CNTNAP5: variants seen among roughly 807,000 people sequenced by gnomAD.
The protein encoded by CNTNAP5 is contactin-associated protein-like 5.
A neutral mutation model predicts 150.2 loss-of-function variants in CNTNAP5; 72 were observed. That is an observed-to-expected ratio of 0.48 (90% CI 0.40 to 0.58). The LOEUF (loss-of-function observed/expected upper bound fraction) is 0.58, where lower values mean the gene tolerates loss of function less well. Among genes scored for constraint, CNTNAP5 ranks in the 20% least tolerant of loss-of-function variants. The pLI is 0.00. For synonymous variants in CNTNAP5, 672 were observed against 619.8 expected (o/e 1.08, Z -1.25); for missense variants, 1,636 against 1,626.2 (o/e 1.01, Z -0.10).
chr2:124,124,385 C>T (rs1021918966), intron 1 of CNTNAP5, among the ~76,000 whole-genome samples: 1 of 152,142 alleles, frequency 6.6e-6, no homozygotes, highest in African/African-American at 2.4e-5. Flanking sequence ...AAGAAATGAA[C>T]AAAGCCTCCA....
intron 3 of CNTNAP5, among the ~76,000 whole-genome samples, chr2:124,387,083 A>G (rs1690948348): frequency 6.6e-6 from 1 of 152,208 alleles, no homozygotes; most frequent in Admixed American, 6.5e-5. Context: ...CCAATGTCCA[A>G]AACTATGGGA....
intron 2 of CNTNAP5, among the ~76,000 whole-genome samples, chr2:124,222,508 T>C (rs1686347421): frequency 6.6e-6 from 1 of 152,130 alleles, no homozygotes; most frequent in Non-Finnish European, 1.5e-5. Flanking sequence ...TAAGGACTTT[T>C]AGGTATCTGA....
chr2:124,220,838 A>G (rs1188767678), intron 1 of CNTNAP5, among the ~76,000 whole-genome samples: 1 of 152,122 alleles, frequency 6.6e-6, no homozygotes, highest in Non-Finnish European at 1.5e-5. Context: ...TATTGTTACA[A>G]TGACATTAGA....
intron 7 of CNTNAP5, among the ~76,000 whole-genome samples, chr2:124,484,986 G>C (rs1422575265): frequency 6.6e-6 from 1 of 152,184 alleles, no homozygotes; most frequent in Non-Finnish European, 1.5e-5. Flanking sequence ...CGCCTAGTAA[G>C]TAGGGACCGG....
intron 23 of CNTNAP5, among the ~76,000 whole-genome samples, chr2:124,913,106 A>AAATCAT (rs1420106508): frequency 6.6e-6 from 1 of 152,106 alleles, no homozygotes; most frequent in Non-Finnish European, 1.5e-5. Flanking sequence ...ATGCTTCTGT[A>AAATCAT]AATCATAATT....
At chr2:124,116,874 A>G (rs769403522) in intron 1 of CNTNAP5, among the ~76,000 whole-genome samples, 15 of 152,218 alleles carry the variant, frequency 9.9e-5, no homozygotes, top group Admixed American at 2.6e-4. Context: ...ATCCCAATAC[A>G]GCTTACTGCC....
At chr2:124,128,418 C>G (rs1361849432) in intron 1 of CNTNAP5, among the ~76,000 whole-genome samples, 1 of 152,068 alleles carries the variant, frequency 6.6e-6, no homozygotes, top group Non-Finnish European at 1.5e-5. Flanking sequence ...AAGAACAATG[C>G]TGGAGAGGAT....
chr2:124,600,767 GAA>G (rs1491223972), intron 11 of CNTNAP5, among the ~76,000 whole-genome samples: 3,460 of 110,008 alleles, frequency 0.031, 40 homozygotes, highest in African/African-American at 0.045. Flanking sequence ...GAGAGAGAGA[GAA>G]AGAGAGAGAA....
At chr2:124,374,595 G>T (rs966722943) in intron 3 of CNTNAP5, among the ~76,000 whole-genome samples, 1 of 152,264 alleles carries the variant, frequency 6.6e-6, no homozygotes, top group East Asian at 1.9e-4. Flanking sequence ...CTAGGCAAAG[G>T]TTTAAGATGA....
chr2:124,246,326 G>A (rs1397426764), intron 3 of CNTNAP5, among the ~76,000 whole-genome samples: 3 of 152,078 alleles, frequency 2.0e-5, no homozygotes, highest in African/African-American at 7.2e-5. Flanking sequence ...TGAGTGGAAT[G>A]CTCATGAATG....
intron 17 of CNTNAP5, among the ~76,000 whole-genome samples, chr2:124,786,376 AAAG>A (rs1408739777): frequency 2.4e-5 from 2 of 81,738 alleles, no homozygotes; most frequent in Non-Finnish European, 4.9e-5. Context: ...AGAAAGAAAG[AAAG>A]AAAGAAAGAA....
chr2:124,508,549 C>G (rs964989727), intron 8 of CNTNAP5, among the ~76,000 whole-genome samples: 1 of 152,114 alleles, frequency 6.6e-6, no homozygotes, highest in Non-Finnish European at 1.5e-5. Flanking sequence ...GTTAAGCGCA[C>G]GTCAGTCCAT....
chr2:124,370,223 G>C lies in CNTNAP5; in HGVS notation c.382-47220G>C, dbSNP rs1426996970. On this transcript the variant is annotated intron_variant, in intron 3 of 23. Transcript: ENST00000682447. ...AACTAAAGCTACGTACGTGAACACT[G>C]TTTTGCAGAGACCACATCTAGACCC... is the stretch of plus-strand genomic sequence containing the variant. Among the ~76,000 whole-genome samples the C allele has an allele frequency of 2.6e-5, 4 of 152,160 alleles. No homozygotes were observed. In the South Asian group the frequency reaches 8.3e-4, roughly 31 times the overall value.
chr2:124,310,534 C>T (rs1297192324), intron 3 of CNTNAP5, among the ~76,000 whole-genome samples: 1 of 152,120 alleles, frequency 6.6e-6, no homozygotes, highest in East Asian at 1.9e-4. Context: ...TGCCCAAGCC[C>T]TCCCTTAACA....
intron 3 of CNTNAP5, among the ~76,000 whole-genome samples, chr2:124,272,585 G>A (rs1252732864): frequency 1.3e-5 from 2 of 152,164 alleles, no homozygotes; most frequent in African/African-American, 4.8e-5. Flanking sequence ...CTTTGTCATT[G>A]CACAGAAGAG....
intron 6 of CNTNAP5, 98 bp from the exon 7 acceptor site, chr2:124,474,641 C>T (rs1693597619): frequency 2.1e-6 from 2 of 965,494 alleles, no homozygotes; most frequent in South Asian, 1.9e-5. Flanking sequence ...TTGGCTCAAG[C>T]ATACAATTGA....
At position 124,434,590 on chromosome 2, in the gene CNTNAP5, G is replaced by A. The variant is rs751907124; in HGVS notation, c.636G>A (p.Met212Ile). 3.0e-5 allele frequency: 48 copies of A among 1,613,866 alleles called. No individual in the cohort carries two copies. In the South Asian group the frequency reaches 5.0e-4, roughly 17 times the overall value. Residue 212 changes from methionine to isoleucine, a missense_variant, in exon 5 of 24, where the codon ATG (methionine) becomes ATA (isoleucine). Transcript: ENST00000682447. ...TGATCTCCCTGAAGTTCAAGAGCAT[G>A]CAAGGAGATGGGGTCCTGTTCCATG... ...KDVISLKFKS[M>I]QGDGVLFHGE...
chr2:124,183,914 C>T (rs1388451084), intron 1 of CNTNAP5, among the ~76,000 whole-genome samples: 1 of 152,044 alleles, frequency 6.6e-6, no homozygotes, highest in South Asian at 2.1e-4. Flanking sequence ...GCGAAAACCG[C>T]GATTACTTTT....
chr2:124,865,439 AC>A lies in CNTNAP5; in HGVS notation c.3348+5del. On this transcript the variant is annotated splice_donor_region_variant and intron_variant, in intron 20 of 23. Coordinates refer to ENST00000682447, the MANE Select transcript of CNTNAP5 (RefSeq NM_001367498.1). Reference sequence around the variant, plus strand: ...AGGGAAGAGAGCTTACCATTCAGGTACCTTCCTTACTTTCTCCTGCTTCAGC... The same window carrying A: ...AGGGAAGAGAGCTTACCATTCAGGTACTTCCTTACTTTCTCCTGCTTCAGC... 1 of 1,551,286 alleles carries A rather than the reference AC, an allele frequency of 6.4e-7. No homozygotes were observed.
Sources: gnomAD v4.1 joint callset for allele counts (sites outside exome capture counted in the v4.1 genomes callset) on GRCh38, gnomAD v4.1.1 for gene constraint, MANE v1.5 for transcripts, NCBI Gene and HGNC (gene_info 2026-07-23, HGNC 2026-07-21) for gene names.